The following ANXA3 variants were observed in gnomAD, a reference collection of about 807,000 sequenced individuals.
ANXA3 encodes annexin A3.
Under a neutral mutation model 48.8 loss-of-function variants are expected in ANXA3, and 46 were observed. The observed-to-expected ratio is 0.94, with a 90% CI of 0.74 to 1.21. The LOEUF (loss-of-function observed/expected upper bound fraction) is 1.21, where lower values mean the gene tolerates loss of function less well. ANXA3 is among the 50% of genes most tolerant of loss of function. The probability of loss-of-function intolerance (pLI) is 0.00; values close to 1 mark genes in which losing one functional copy is unlikely to be tolerated. For missense variants in ANXA3, 383 were observed against 378.6 expected (o/e 1.01, Z -0.10); for synonymous variants, 128 against 134.7 (o/e 0.95, Z 0.35).
At chr4:78,605,111 T>C (rs73828046) in intron 12 of ANXA3, among the ~76,000 whole-genome samples, 1,812 of 152,304 alleles carry the variant, frequency 0.012, 41 homozygotes, top group African/African-American at 0.041. Flanking sequence ...ACAGAGGGTA[T>C]TTTCAAACTT....
intron 11 of ANXA3, 170 bp downstream of exon 11, chr4:78,601,738 G>C (rs1194582517): frequency 9.7e-6 from 5 of 515,696 alleles, no homozygotes; most frequent in Non-Finnish European, 1.7e-5. Context: ...TCTTTACACA[G>C]ACACCTGATT....
chr4:78,574,196 A>G (rs1578394936), intron 3 of ANXA3, among the ~76,000 whole-genome samples: 1 of 152,136 alleles, frequency 6.6e-6, no homozygotes, highest in African/African-American at 2.4e-5. Flanking sequence ...AGGCAGGAGG[A>G]TCACTAGAGC....
intron 6 of ANXA3, among the ~76,000 whole-genome samples, chr4:78,591,012 A>C (rs1723282949): frequency 6.6e-6 from 1 of 152,176 alleles, no homozygotes; most frequent in South Asian, 2.1e-4. Context: ...ATCAGTTCAC[A>C]TGTAAGGCAG....
At chr4:78,579,623 G>A (rs1265464777) in intron 4 of ANXA3, among the ~76,000 whole-genome samples, 1 of 152,122 alleles carries the variant, frequency 6.6e-6, no homozygotes, top group African/African-American at 2.4e-5. Context: ...GTAGTTATAG[G>A]TTTAATTCAT....
chr4:78,595,234 C>T (rs1578402375), intron 7 of ANXA3, 147 bp from the exon 8 acceptor site: 2 of 834,038 alleles, frequency 2.4e-6, no homozygotes, highest in Admixed American at 4.7e-5. Flanking sequence ...ATGGCAGAAC[C>T]AGAACTGGAG....
chr4:78,599,693 A>G (rs545987364), intron 10 of ANXA3, among the ~76,000 whole-genome samples: 51 of 152,290 alleles, frequency 3.3e-4, no homozygotes, highest in South Asian at 2.1e-3. Flanking sequence ...GACTGTTCCA[A>G]TGGCAATGAT....
intron 2 of ANXA3, among the ~76,000 whole-genome samples, chr4:78,559,270 A>G (rs977723348): frequency 1.3e-5 from 2 of 152,018 alleles, no homozygotes; most frequent in African/African-American, 2.4e-5. Flanking sequence ...TTTTATAGAG[A>G]TGGGAATTCA....
intron 7 of ANXA3, among the ~76,000 whole-genome samples, chr4:78,593,356 C>T (rs940174628): frequency 6.6e-6 from 1 of 152,004 alleles, no homozygotes; most frequent in Non-Finnish European, 1.5e-5. Flanking sequence ...GCACACGCCA[C>T]CACACCCGGC....
At chr4:78,554,807 G>T (rs992255555) in intron 2 of ANXA3, among the ~76,000 whole-genome samples, 1 of 152,170 alleles carries the variant, frequency 6.6e-6, no homozygotes, top group African/African-American at 2.4e-5. Flanking sequence ...TTCAATAAAT[G>T]TTAGGAAAAC....
At chr4:78,601,406 G>A (rs577882847) in intron 10 of ANXA3, 104 bp from the exon 11 acceptor site, 3 of 1,022,106 alleles carry the variant, frequency 2.9e-6, no homozygotes, top group African/African-American at 1.6e-5. Flanking sequence ...AGGGGATAGA[G>A]TGGTATGACA....
At chr4:78,590,554 A>G (rs1723268433) in intron 6 of ANXA3, among the ~76,000 whole-genome samples, 1 of 152,170 alleles carries the variant, frequency 6.6e-6, no homozygotes, top group African/African-American at 2.4e-5. Context: ...CACCTACAAC[A>G]AAGGGTATAG....
At chr4:78,573,865 A>C (rs1004770688) in intron 3 of ANXA3, among the ~76,000 whole-genome samples, 19 of 152,130 alleles carry the variant, frequency 1.2e-4, no homozygotes, top group Non-Finnish European at 2.2e-4. Flanking sequence ...ATATAATGAG[A>C]TCCTAGGAGA....
At chr4:78,569,215 A>G (rs961570335) in intron 2 of ANXA3, among the ~76,000 whole-genome samples, 2 of 152,330 alleles carry the variant, frequency 1.3e-5, no homozygotes, top group East Asian at 1.9e-4. Flanking sequence ...CAGAAAAGGA[A>G]AGCAACTAAA....
At chr4:78,588,761 C>T (rs1006746524) in intron 6 of ANXA3, among the ~76,000 whole-genome samples, 2 of 152,222 alleles carry the variant, frequency 1.3e-5, no homozygotes, top group African/African-American at 4.8e-5. Context: ...AGATAGCTTG[C>T]ACTTCTTTCC....
chr4:78,607,923 A>G (rs1253259548), intron 12 of ANXA3, among the ~76,000 whole-genome samples: 2 of 152,178 alleles, frequency 1.3e-5, no homozygotes, highest in Non-Finnish European at 2.9e-5. Context: ...AGAGACAGAT[A>G]TGGGAAGAAG....
At position 78,597,364 on chromosome 4, in the gene ANXA3, G is replaced by T; in HGVS notation, c.680G>T (p.Ser227Ile). ...RNISQKDIVD[S>I]IKGELSGHFE... is the part of the protein sequence containing the mutation. Reference sequence around the variant, plus strand: ...ATCAGCCAAAAGGACATTGTGGACAGCATAAAAGGAGAATTATCTGGGCAT... The same window carrying T: ...ATCAGCCAAAAGGACATTGTGGACATCATAAAAGGAGAATTATCTGGGCAT... The change falls in exon 10 of 13, where the codon AGC becomes ATC. Residue 227 changes from serine to isoleucine, a missense_variant. By Grantham distance (142) the Ser-to-Ile change is moderately radical. Transcript: ENST00000264908. The T allele has an allele frequency of 6.2e-7, 1 of 1,610,748 alleles. No homozygotes were observed. Among genetic ancestry groups the T allele is most frequent in the South Asian group, 1.1e-5 (1 of 90,130 alleles).
rs557794176 is a variant in ANXA3 at position 78,566,732 on chromosome 4, C to T, written c.16-6448C>T. Among the ~76,000 whole-genome samples the T allele has an allele frequency of 8.9e-4, 136 of 152,160 alleles. 1 individual carries two copies. The highest frequency in any genetic ancestry group is 3.0e-3 in the African/African-American group (123 of 41,502). On this transcript the variant is annotated intron_variant, in intron 2 of 12. Transcript: ENST00000264908. ...AGCACAGGGCTCACTAGTCGGGTGACGGGTACACTAATAAAAGCCAAGACT... is the reference window on the plus strand; with the variant it reads ...AGCACAGGGCTCACTAGTCGGGTGATGGGTACACTAATAAAAGCCAAGACT...
chr4:78,553,822 C>T (rs1290148936), intron 1 of ANXA3: 2 of 152,150 alleles, frequency 1.3e-5, no homozygotes, highest in African/African-American at 4.8e-5. Context: ...GGAGATATGC[C>T]AGCATGTTTG....
intron 2 of ANXA3, among the ~76,000 whole-genome samples, chr4:78,564,035 T>C (rs1029897274): frequency 1.3e-5 from 2 of 152,228 alleles, no homozygotes; most frequent in African/African-American, 2.4e-5. Flanking sequence ...CTACAAATAC[T>C]GGTGCTAGAT....
Sources: gnomAD v4.1 joint callset for allele counts (sites outside exome capture counted in the v4.1 genomes callset) on GRCh38, gnomAD v4.1.1 for gene constraint, MANE v1.5 for transcripts, NCBI Gene and HGNC (gene_info 2026-07-23, HGNC 2026-07-21) for gene names.